The following SORCS3 variants were observed in gnomAD, a reference collection of about 807,000 sequenced individuals.
SORCS3 encodes sortilin related VPS10 domain containing receptor 3, also known as VPS10 domain-containing receptor SorCS3.
In SORCS3, 57 loss-of-function variants were observed where a neutral mutation model predicts 146.3. The observed-to-expected ratio is 0.39, with a 90% CI of 0.31 to 0.49. The LOEUF (loss-of-function observed/expected upper bound fraction) is 0.49, where lower values mean the gene tolerates loss of function less well. Ranked by LOEUF, SORCS3 falls within the 20% of genes least tolerant of loss-of-function variation. SORCS3 has a pLI of 0.92. For synonymous variants in SORCS3, 653 were observed against 618.5 expected (o/e 1.06, Z -0.83); for missense variants, 1,341 against 1,575.5 (o/e 0.85, Z 2.52).
intron 3 of SORCS3, among the ~76,000 whole-genome samples, chr10:104,950,505 T>C (rs909618371): frequency 7.2e-5 from 11 of 152,220 alleles, no homozygotes; most frequent in African/African-American, 2.2e-4. Context: ...GTTTACAGCT[T>C]GGCACATAGC....
chr10:104,705,617 C>T (rs1320786911), intron 1 of SORCS3, among the ~76,000 whole-genome samples: 1 of 152,098 alleles, frequency 6.6e-6, no homozygotes, highest in Admixed American at 6.5e-5. Context: ...ACGGTTGGCT[C>T]CTGTAAACAC....
intron 1 of SORCS3, among the ~76,000 whole-genome samples, chr10:104,757,068 T>A (rs1469477465): frequency 6.1e-4 from 2 of 3,286 alleles, no homozygotes; most frequent in African/African-American, 1.3e-3. Flanking sequence ...AGTTAAGGGT[T>A]TTTTTTTTTT....
At chr10:105,081,111 G>T (rs960296164) in intron 5 of SORCS3, among the ~76,000 whole-genome samples, 2 of 151,908 alleles carry the variant, frequency 1.3e-5, no homozygotes, top group African/African-American at 4.8e-5. Context: ...ATGATTTGTC[G>T]GTTAAAATAA....
At chr10:104,751,713 G>A (rs1313604924) in intron 1 of SORCS3, among the ~76,000 whole-genome samples, 1 of 151,652 alleles carries the variant, frequency 6.6e-6, no homozygotes, top group Non-Finnish European at 1.5e-5. Context: ...ATGAAAACAA[G>A]CTATAATAAT....
chr10:105,188,783 G>T (rs865930652), intron 14 of SORCS3, among the ~76,000 whole-genome samples: 2 of 152,170 alleles, frequency 1.3e-5, no homozygotes. Context: ...AGGCATTTTA[G>T]AACTGTTTTC....
chr10:104,729,680 G>A (rs2016684129), intron 1 of SORCS3, among the ~76,000 whole-genome samples: 1 of 152,204 alleles, frequency 6.6e-6, no homozygotes, highest in Non-Finnish European at 1.5e-5. Context: ...ATTTCAGAAG[G>A]TATTAGGTGT....
In SORCS3 at chr10:104,641,519, G is replaced by A; in HGVS notation, c.192G>A (p.Val64=). Residue 64 remains valine (V), a synonymous_variant, in exon 1 of 27, where the codon GTG becomes GTA. Transcript: ENST00000369701. The surrounding 1 kb of genome is among the most constrained non-coding windows in gnomAD (Gnocchi z 6.4). ...PALSPLSPRA[V]ASQWPEELAS... Reference sequence around the variant, plus strand: ...TGTCTCCACTCTCGCCGCGGGCAGTGGCCAGCCAGTGGCCGGAGGAGCTGG... The same window carrying A: ...TGTCTCCACTCTCGCCGCGGGCAGTAGCCAGCCAGTGGCCGGAGGAGCTGG... 6.8e-7 allele frequency: 1 copy of A among 1,476,266 alleles called. No individual in the cohort carries two copies. 91.4% of individuals were successfully genotyped at this position (1,476,266 alleles called of 1,614,324 possible). A position where few individuals can be genotyped will look rare whatever the true frequency, so the allele number is the denominator to read the frequency against.
chr10:105,076,767 C>T (rs745422046), intron 5 of SORCS3, among the ~76,000 whole-genome samples: 17 of 152,164 alleles, frequency 1.1e-4, no homozygotes, highest in Non-Finnish European at 2.2e-4. Context: ...GTAACAGTTC[C>T]CAGAGTGCTT....
At chr10:105,148,831 C>T (rs1475845251) in intron 9 of SORCS3, among the ~76,000 whole-genome samples, 1 of 152,044 alleles carries the variant, frequency 6.6e-6, no homozygotes, top group African/African-American at 2.4e-5. Flanking sequence ...GTTGGCTACT[C>T]AGTTACTGAG....
At chr10:104,863,366 C>T (rs561856439) in intron 2 of SORCS3, among the ~76,000 whole-genome samples, 17 of 152,092 alleles carry the variant, frequency 1.1e-4, no homozygotes, top group Admixed American at 7.2e-4. Context: ...ATGTCTTGTT[C>T]TGGAATTTCT....
rs1048043258 is a variant in SORCS3 at position 104,851,466 on chromosome 10, T to G, written c.695+8607T>G. Among the ~76,000 whole-genome samples, 3 of 152,216 alleles carry G rather than the reference T, an allele frequency of 2.0e-5. No homozygotes were observed. The East Asian group carries it at 5.8e-4, about 29-fold the overall frequency. On this transcript the variant is annotated intron_variant, in intron 2 of 26. Coordinates refer to ENST00000369701, the MANE Select transcript of SORCS3 (RefSeq NM_014978.3). ...ATCCCTGTCCACAGCCTGAGCTCTC[T>G]CTCATTTTCTCAGCAGTCAATTCAT...
chr10:104,818,955 T>C (rs1003161561), intron 1 of SORCS3, among the ~76,000 whole-genome samples: 2 of 152,062 alleles, frequency 1.3e-5, no homozygotes, highest in East Asian at 1.9e-4. Flanking sequence ...AAAAACAAAA[T>C]GAAGTGAAAC....
intron 1 of SORCS3, among the ~76,000 whole-genome samples, chr10:104,760,565 A>G (rs539600176): frequency 7.9e-5 from 12 of 152,288 alleles, no homozygotes; most frequent in African/African-American, 2.9e-4. Flanking sequence ...TTCTTTATAT[A>G]CTATTATAGT....
intron 7 of SORCS3, among the ~76,000 whole-genome samples, chr10:105,108,913 G>A (rs1414515060): frequency 6.6e-6 from 1 of 152,072 alleles, no homozygotes; most frequent in African/African-American, 2.4e-5. Flanking sequence ...GGTGAGTTTG[G>A]CCATTTGCAT....
intron 6 of SORCS3, among the ~76,000 whole-genome samples, chr10:105,100,853 G>C (rs1408674793): frequency 6.6e-6 from 1 of 152,172 alleles, no homozygotes; most frequent in Non-Finnish European, 1.5e-5. Flanking sequence ...TATCCACAAT[G>C]TGCTAAACAA....
chr10:105,217,067 C>G lies in SORCS3; in HGVS notation c.2679C>G (p.Ala893=), dbSNP rs780706628. 23 of 1,614,036 alleles carry G rather than the reference C, an allele frequency of 1.4e-5. No homozygotes were observed. The East Asian group carries it at 5.1e-4, about 36-fold the overall frequency. ...GTGCGGGGATCTTCCAGGTGACAGCCTATGCAGAGAACAACCTTGGCTCAG... is the reference window on the plus strand; with the variant it reads ...GTGCGGGGATCTTCCAGGTGACAGCGTATGCAGAGAACAACCTTGGCTCAG... The part of the protein sequence containing the change: ...YKSAGIFQVT[A]YAENNLGSDT... Residue 893 remains alanine (A), a synonymous_variant, in exon 19 of 27, where the codon GCC becomes GCG. Coordinates refer to ENST00000369701, the MANE Select transcript of SORCS3 (RefSeq NM_014978.3).
chr10:104,967,373 A>G (rs939434433), intron 3 of SORCS3, among the ~76,000 whole-genome samples: 5 of 152,208 alleles, frequency 3.3e-5, no homozygotes, highest in Admixed American at 6.5e-5. Context: ...TGGCAAACAA[A>G]CACACGTACA....
rs376961902 is a variant in SORCS3, at chr10:104,661,798, G to A, written c.627+19844G>A. Among the ~76,000 whole-genome samples the A allele has an allele frequency of 8.5e-5, 13 of 152,156 alleles. No individual in the cohort carries two copies. In the East Asian group the frequency reaches 9.6e-4, roughly 11 times the overall value. ...GCACTTCAGTACTGTGATCGATGAT[G>A]AACAAGAAACAGTTCAGACTTGATC... On this transcript the variant is annotated intron_variant, in intron 1 of 26. Coordinates refer to ENST00000369701, the MANE Select transcript of SORCS3 (RefSeq NM_014978.3).
intron 23 of SORCS3, among the ~76,000 whole-genome samples, chr10:105,255,164 G>T (rs924210664): frequency 1.8e-4 from 27 of 148,476 alleles, no homozygotes; most frequent in African/African-American, 6.7e-4. Context: ...ACTCCAACCT[G>T]GGCGACAGCG....
Sources: gnomAD v4.1 joint callset for allele counts (sites outside exome capture counted in the v4.1 genomes callset) on GRCh38, gnomAD v4.1.1 for gene constraint, Gnocchi (gnomAD v3.1) non-coding constraint, MANE v1.5 for transcripts, NCBI Gene and HGNC (gene_info 2026-07-23, HGNC 2026-07-21) for gene names.